Variants in NLRC5 observed in about 807,000 individuals in gnomAD.
The protein encoded by NLRC5 is protein NLRC5.
In NLRC5, 114 loss-of-function variants were observed where a neutral mutation model predicts 206.9. The observed-to-expected ratio is 0.55, with a 90% confidence interval of 0.47 to 0.64. The LOEUF is 0.64. Among genes scored for constraint, NLRC5 ranks in the 30% least tolerant of loss-of-function variants. The pLI, the probability that NLRC5 is intolerant of heterozygous loss-of-function variation, is 0.00. For missense variants in NLRC5, 2,008 were observed against 2,305.5 expected, an observed-to-expected ratio of 0.87 and a Z score of 2.64; for synonymous variants, 952 against 962.8, an observed-to-expected ratio of 0.99 and a Z score of 0.21.
chr16:57,027,004 G>A lies in NLRC5; in HGVS notation c.2061G>A (p.Gln687=), dbSNP rs75510602. The change falls in exon 6 of 49, where the codon CAG becomes CAA. Residue 687 remains glutamine, a synonymous_variant. Coordinates refer to ENST00000688547, the MANE Select transcript of NLRC5 (RefSeq NM_001384950.1). ...HCPEALVGCG[Q]IENLSFKSRK... The stretch of plus-strand genomic sequence containing the variant: ...CTGAGGCTCTGGTAGGCTGTGGGCA[G>A]ATAGAGAATCTCAGGTGAGTAAGAG... 253 of 1,613,514 alleles carry A rather than the reference G, an allele frequency of 1.6e-4. No individual in the cohort carries two copies. In the East Asian group the frequency reaches 5.5e-3, roughly 35 times the overall value.
chr16:56,991,537 ACACCC>A (rs2056858677), intron 1 of NLRC5, among the ~76,000 whole-genome samples: 1 of 151,740 alleles, frequency 6.6e-6, no homozygotes, highest in African/African-American at 2.4e-5. Flanking sequence ...GCCCGCCGCT[ACACCC>A]AGCTAATTTT....
intron 21 of NLRC5, among the ~76,000 whole-genome samples, chr16:57,046,323 C>G (rs1421542301): frequency 6.6e-6 from 1 of 152,198 alleles, no homozygotes; most frequent in Non-Finnish European, 1.5e-5. Context: ...TCAGGCTTCC[C>G]TTCCCTGAGC....
chr16:57,012,706 GA>G (rs765508912), intron 1 of NLRC5, among the ~76,000 whole-genome samples: 1 of 152,086 alleles, frequency 6.6e-6, no homozygotes, highest in Non-Finnish European at 1.5e-5. Context: ...CCCGTCCGGG[GA>G]AAAAATGATC....
intron 10 of NLRC5, 100 bp from the exon 11 acceptor site, chr16:57,031,304 T>C: frequency 7.8e-7 from 1 of 1,283,642 alleles, no homozygotes; most frequent in South Asian, 1.2e-5. Context: ...CAGCTTTATC[T>C]GGATGTTTGA....
At chr16:56,995,088 C>T (rs563913721) in intron 1 of NLRC5, among the ~76,000 whole-genome samples, 7 of 152,234 alleles carry the variant, frequency 4.6e-5, no homozygotes, top group Non-Finnish European at 8.8e-5. Context: ...GCAGGAGAAT[C>T]GCTTGAACCT....
intron 1 of NLRC5, among the ~76,000 whole-genome samples, chr16:56,995,166 C>T (rs186971283): frequency 4.1e-4 from 62 of 152,222 alleles, no homozygotes; most frequent in Non-Finnish European, 6.8e-4. Flanking sequence ...GAGGGAGACT[C>T]GGTCTCAAAA....
At chr16:57,029,564 A>G (rs762721758) in intron 8 of NLRC5, among the ~76,000 whole-genome samples, 2 of 152,108 alleles carry the variant, frequency 1.3e-5, no homozygotes, top group Admixed American at 6.5e-5. Context: ...AAACTTCCCC[A>G]TAGGAACAGA....
Position 57,069,906 on chromosome 16 carries a change from T to C in NLRC5, c.4570T>C (p.Leu1524=). ...ATCTGGTCTGGGCCACTGCCACCAC[T>C]TGGAGGAGCTGGAGTGAGTTGCAGA... ...LASGLGHCHH[L]EELDLSNNQF... is the part of the protein sequence containing the mutation. The change falls in exon 37 of 49, where the codon TTG becomes CTG. Residue 1524 remains leucine (L), a synonymous_variant. Coordinates refer to ENST00000688547, the MANE Select transcript of NLRC5 (RefSeq NM_001384950.1). 6.3e-7 allele frequency: 1 copy of C among 1,579,996 alleles called. No homozygotes were observed. The highest frequency in any genetic ancestry group is 1.2e-5 in the South Asian group (1 of 86,598).
At chr16:57,052,479 AAAAAAAAG>A (rs1162511270) in intron 24 of NLRC5, 1 of 152,208 alleles carries the variant, frequency 6.6e-6, no homozygotes, top group African/African-American at 2.4e-5. Flanking sequence ...ATCTCAGAAA[AAAAAAAAG>A]AAAAAAAGAA....
At chr16:56,990,736 AT>A (rs1312929440) in intron 1 of NLRC5, 1 of 152,192 alleles carries the variant, frequency 6.6e-6, no homozygotes, top group African/African-American at 2.4e-5. Flanking sequence ...CTGGAGCCTC[AT>A]TGTCCCTTCA....
At chr16:57,052,991 C>T (rs1369306366) in intron 24 of NLRC5, 1 of 152,248 alleles carries the variant, frequency 6.6e-6, no homozygotes, top group Non-Finnish European at 1.5e-5. Context: ...TAGTACTCAA[C>T]GTGTAGTGCT....
At chr16:57,069,943 G>A (rs747586581) in intron 37 of NLRC5, 24 bp downstream of exon 37, 12 of 1,546,296 alleles carry the variant, frequency 7.8e-6, no homozygotes, top group East Asian at 4.8e-5. Context: ...TGGAGGGATT[G>A]GGGACAAGTG....
chr16:56,990,078 CAT>C (rs2142034578), intron 1 of NLRC5, among the ~76,000 whole-genome samples: 1 of 152,292 alleles, frequency 6.6e-6, no homozygotes, highest in South Asian at 2.1e-4. Flanking sequence ...AAATTCCAAA[CAT>C]ATACAATAGT....
At position 57,036,250 on chromosome 16, in the gene NLRC5, T is replaced by A. The variant is rs2062560916; in HGVS notation, c.2711+67T>A. On this transcript the variant is annotated intron_variant, in intron 14 of 48. Coordinates refer to ENST00000688547, the MANE Select transcript of NLRC5 (RefSeq NM_001384950.1). ...GTAGAGCCCCAGGAGGTCCCCGTGT[T>A]CGTAATCAGCAGTAAGGGTGCTGAT... is the stretch of plus-strand genomic sequence containing the variant. 2.0e-6 allele frequency: 3 copies of A among 1,467,070 alleles called. No individual in the cohort carries two copies. In the African/African-American group the frequency reaches 4.2e-5, roughly 21 times the overall value. The allele number at this position is 1,467,070 out of a possible 1,614,324, so 90.9% of individuals were successfully genotyped here.
chr16:57,054,719 A>G (rs752423538), intron 24 of NLRC5, 32 bp from the exon 25 acceptor site: 5 of 1,571,976 alleles, frequency 3.2e-6, no homozygotes, highest in Non-Finnish European at 4.4e-6. Flanking sequence ...TTGTCCACTC[A>G]TCTTGCCGGA....
chr16:57,060,743 A>G (rs1216778811), intron 30 of NLRC5, among the ~76,000 whole-genome samples: 3 of 152,128 alleles, frequency 2.0e-5, no homozygotes, highest in Non-Finnish European at 4.4e-5. Context: ...CACTCAGCTC[A>G]ACATTCTCTT....
chr16:57,038,330 C>T (rs1395152794), intron 15 of NLRC5, among the ~76,000 whole-genome samples: 1 of 152,180 alleles, frequency 6.6e-6, no homozygotes, highest in Non-Finnish European at 1.5e-5. Context: ...ACAATCACAG[C>T]TCACTGTAAC....
At chr16:56,996,417 C>T (rs2057619188) in intron 1 of NLRC5, among the ~76,000 whole-genome samples, 1 of 152,184 alleles carries the variant, frequency 6.6e-6, no homozygotes, top group Non-Finnish European at 1.5e-5. Context: ...AACTCCTGAG[C>T]TCAAGCAGTT....
chr16:57,076,083 T>G (rs1292882854), intron 39 of NLRC5: 2 of 184,330 alleles, frequency 1.1e-5, no homozygotes, highest in African/African-American at 4.8e-5. Flanking sequence ...CCAGATAATT[T>G]TTGTATATTT....
Sources: gnomAD v4.1 joint callset for allele counts (sites outside exome capture counted in the v4.1 genomes callset) on GRCh38, gnomAD v4.1.1 for gene constraint, MANE v1.5 for transcripts, NCBI Gene and HGNC (gene_info 2026-07-23, HGNC 2026-07-21) for gene names.